SCHIP1: variants seen among roughly 807,000 people sequenced by gnomAD.
SCHIP1 encodes schwannomin interacting protein 1.
In SCHIP1, 8 loss-of-function variants were observed where a neutral mutation model predicts 29.7. The ratio of observed to expected loss-of-function variants is 0.27; its 90% CI spans 0.16 to 0.49. SCHIP1 has a LOEUF of 0.49. SCHIP1 is among the 20% of genes least tolerant of loss of function. The probability of loss-of-function intolerance (pLI) is 0.99; values close to 1 mark genes in which losing one functional copy is unlikely to be tolerated. For synonymous variants in SCHIP1, 76 were observed against 94.9 expected (o/e 0.80, Z 1.16); for missense variants, 193 against 294.6 (o/e 0.66, Z 2.52).
chr3:159,280,014 T>A, the SCHIP1 span, among the ~76,000 whole-genome samples: 1 of 152,182 alleles, frequency 6.6e-6, no homozygotes, highest in Non-Finnish European at 1.5e-5. Flanking sequence ...CAGGCCTGAT[T>A]GCTAGAATTC....
the SCHIP1 span, among the ~76,000 whole-genome samples, chr3:159,497,470 C>T: frequency 3.3e-5 from 5 of 151,946 alleles, no homozygotes; most frequent in Non-Finnish European, 5.9e-5. Flanking sequence ...TCTTCAAAAC[C>T]ACCCCCAAGT....
At chr3:159,859,122 A>G (rs1188149878) in intron 1 of SCHIP1, among the ~76,000 whole-genome samples, 1 of 152,260 alleles carries the variant, frequency 6.6e-6, no homozygotes, top group Non-Finnish European at 1.5e-5. Context: ...CTCAGGGGAT[A>G]AAATAAGATT....
At chr3:159,578,749 C>T in the SCHIP1 span, among the ~76,000 whole-genome samples, 1 of 151,706 alleles carries the variant, frequency 6.6e-6, no homozygotes, top group East Asian at 2.0e-4. Flanking sequence ...CTGTGTCTGT[C>T]TGTCTCTCTC....
At chr3:159,500,378 T>A in the SCHIP1 span, among the ~76,000 whole-genome samples, 2 of 152,170 alleles carry the variant, frequency 1.3e-5, no homozygotes, top group Non-Finnish European at 2.9e-5. Context: ...CACAACTTTC[T>A]TGTTTTCTTG....
At chr3:159,731,831 A>T in the SCHIP1 span, among the ~76,000 whole-genome samples, 1 of 152,138 alleles carries the variant, frequency 6.6e-6, no homozygotes, top group South Asian at 2.1e-4. Flanking sequence ...GGCCTTTAAA[A>T]TTAGCCCACC....
At chr3:159,843,014 T>C (rs1278015619) in intron 1 of SCHIP1, among the ~76,000 whole-genome samples, 1 of 56,882 alleles carries the variant, frequency 1.8e-5, no homozygotes, top group African/African-American at 1.3e-4. Flanking sequence ...TTTTTTTTTT[T>C]TTTTTTTTTT....
At chr3:159,885,049 T>C (rs1006847312) in intron 2 of SCHIP1, among the ~76,000 whole-genome samples, 1 of 152,236 alleles carries the variant, frequency 6.6e-6, no homozygotes, top group Non-Finnish European at 1.5e-5. Context: ...TTTCTTTTTC[T>C]GGGTTCTGTG....
chr3:159,879,894 T>G (rs1401674666), intron 2 of SCHIP1, among the ~76,000 whole-genome samples: 1 of 152,184 alleles, frequency 6.6e-6, no homozygotes, highest in Non-Finnish European at 1.5e-5. Context: ...ATTAGTTGCC[T>G]AAGTCAGTGA....
chr3:159,559,274 C>T, the SCHIP1 span, among the ~76,000 whole-genome samples: 2 of 152,200 alleles, frequency 1.3e-5, no homozygotes, highest in Admixed American at 6.5e-5. Flanking sequence ...GCTCAAATTT[C>T]TTTCCCATTA....
At chr3:159,467,242 T>A in the SCHIP1 span, among the ~76,000 whole-genome samples, 1 of 152,124 alleles carries the variant, frequency 6.6e-6, no homozygotes, top group Non-Finnish European at 1.5e-5. Flanking sequence ...TTTGATTGCA[T>A]ATACATATAA....
chr3:159,504,450 T>C, the SCHIP1 span, among the ~76,000 whole-genome samples: 1 of 152,182 alleles, frequency 6.6e-6, no homozygotes, highest in Non-Finnish European at 1.5e-5. Context: ...TTAAAATGAC[T>C]TAAAACACCA....
the SCHIP1 span, among the ~76,000 whole-genome samples, chr3:159,399,621 A>C: frequency 1.3e-5 from 2 of 152,208 alleles, no homozygotes; most frequent in Non-Finnish European, 2.9e-5. Context: ...ACAATGCAAC[A>C]GATTCTTAGA....
chr3:159,373,784 T>G, the SCHIP1 span, among the ~76,000 whole-genome samples: 2 of 152,158 alleles, frequency 1.3e-5, no homozygotes, highest in Non-Finnish European at 2.9e-5. Context: ...TATATATATG[T>G]ATATACACAC....
the SCHIP1 span, among the ~76,000 whole-genome samples, chr3:159,468,758 T>A: frequency 8.5e-6 from 1 of 117,548 alleles, no homozygotes; most frequent in Non-Finnish European, 1.7e-5. Flanking sequence ...TATAATATAA[T>A]ATATATATAT....
the SCHIP1 span, among the ~76,000 whole-genome samples, chr3:159,649,937 C>T: frequency 1.3e-5 from 2 of 152,146 alleles, no homozygotes; most frequent in South Asian, 4.1e-4. Context: ...GCCATATTTC[C>T]AGAAATTCTA....
At chr3:159,722,624 G>A in the SCHIP1 span, among the ~76,000 whole-genome samples, 1 of 152,184 alleles carries the variant, frequency 6.6e-6, no homozygotes, top group Non-Finnish European at 1.5e-5. Context: ...TGTGTATAGA[G>A]AGGGTGTGTG....
chr3:159,747,727 C>G, the SCHIP1 span, among the ~76,000 whole-genome samples: 1 of 152,168 alleles, frequency 6.6e-6, no homozygotes, highest in Admixed American at 6.5e-5. Context: ...CTCCCATACA[C>G]TGAATTCCAC....
the SCHIP1 span, among the ~76,000 whole-genome samples, chr3:159,317,800 A>G: frequency 6.6e-6 from 1 of 152,196 alleles, no homozygotes; most frequent in African/African-American, 2.4e-5. Flanking sequence ...CTGTGAGTCT[A>G]TGGTTAGTAG....
the SCHIP1 span, among the ~76,000 whole-genome samples, chr3:159,507,025 A>G: frequency 2.6e-5 from 4 of 152,186 alleles, no homozygotes; most frequent in African/African-American, 9.6e-5. Context: ...TAGCTTGATG[A>G]GGATGGCATT....
Sources: gnomAD v4.1 joint callset for allele counts (sites outside exome capture counted in the v4.1 genomes callset) on GRCh38, gnomAD v4.1.1 for gene constraint, MANE v1.5 for transcripts, NCBI Gene and HGNC (gene_info 2026-07-23, HGNC 2026-07-21) for gene names.